Variants in LMOD1 observed in about 807,000 individuals in gnomAD.
LMOD1 encodes leiomodin 1.
In LMOD1, 8 loss-of-function variants were observed where a neutral mutation model predicts 36.5. The ratio of observed to expected loss-of-function variants is 0.22; its 90% CI spans 0.13 to 0.40. The LOEUF is 0.40. LMOD1 is among the 10% of genes least tolerant of loss of function. The probability of loss-of-function intolerance (pLI) is 1.00; values close to 1 mark genes in which losing one functional copy is unlikely to be tolerated. For synonymous variants in LMOD1, 284 were observed against 288.7 expected (o/e 0.98, Z 0.17); for missense variants, 630 against 751.1 (o/e 0.84, Z 1.88).
chr1:201,944,708 A>G (rs1682172389), intron 1 of LMOD1, among the ~76,000 whole-genome samples: 1 of 136,400 alleles, frequency 7.3e-6, no homozygotes, highest in African/African-American at 2.8e-5. Flanking sequence ...CTTCTTGGCA[A>G]AGGCTTAAAC....
intron 1 of LMOD1, among the ~76,000 whole-genome samples, chr1:201,917,186 G>C (rs1479005224): frequency 2.0e-5 from 3 of 152,154 alleles, no homozygotes; most frequent in Non-Finnish European, 4.4e-5. Context: ...TGCCTGCCTT[G>C]AGTCTTTAAG....
At chr1:201,935,530 C>T (rs1446045848) in intron 1 of LMOD1, among the ~76,000 whole-genome samples, 1 of 151,968 alleles carries the variant, frequency 6.6e-6, no homozygotes, top group Non-Finnish European at 1.5e-5. Flanking sequence ...CCTGTAATCC[C>T]AGCACTTTAG....
intron 1 of LMOD1, among the ~76,000 whole-genome samples, chr1:201,926,860 T>C (rs1429002686): frequency 1.3e-5 from 2 of 151,828 alleles, no homozygotes; most frequent in Non-Finnish European, 2.9e-5. Context: ...CTACAAAAAA[T>C]ACAAAAAAAT....
At position 201,899,205 on chromosome 1, in the gene LMOD1, C is replaced by T. The variant is rs3738290; in HGVS notation, c.1776+32G>A. The T allele has an allele frequency of 0.2, 311,659 of 1,544,760 alleles. 32,523 individuals are homozygous for T. The highest frequency in any genetic ancestry group is 0.25 in the South Asian group (19,812 of 79,046). On this transcript the variant is annotated intron_variant, in intron 2 of 2. Transcript: ENST00000367288. This position sits in a 1 kb window ranked among gnomAD's most constrained non-coding sequence, Gnocchi z 6.3. ...CTCTCCTCCAGGCCCTACCCAGCCC[C>T]GCCCTGTTGGCTCATGCCCACAACT...
At chr1:201,908,708 C>T (rs1410927361) in intron 1 of LMOD1, among the ~76,000 whole-genome samples, 1 of 152,150 alleles carries the variant, frequency 6.6e-6, no homozygotes, top group East Asian at 1.9e-4. Flanking sequence ...TAAGAACACT[C>T]AGCAAGGGGG....
rs1023159347 is a variant in LMOD1, at chr1:201,896,701, C to T, written c.*1671G>A. 4.4e-6 allele frequency: 2 copies of T among 456,626 alleles called. No homozygotes were observed. Among genetic ancestry groups the T allele is most frequent in the Non-Finnish European group, 8.8e-6 (2 of 226,956 alleles). The allele number at this position is 456,626 out of a possible 1,614,324, so 28.3% of individuals were successfully genotyped here. A position where few individuals can be genotyped will look rare whatever the true frequency, so the allele number is the denominator to read the frequency against. Reference sequence around the variant, plus strand: ...AGCTCCAGCTCATACCCTTTAGGTCCAGGAGCCAGTGTGTGTCTGTCTCCT... The same window carrying T: ...AGCTCCAGCTCATACCCTTTAGGTCTAGGAGCCAGTGTGTGTCTGTCTCCT... On this transcript the variant is annotated 3_prime_UTR_variant, in exon 3 of 3. Coordinates refer to ENST00000367288, the MANE Select transcript of LMOD1 (RefSeq NM_012134.3).
chr1:201,905,169 C>T (rs1681393133), intron 1 of LMOD1, among the ~76,000 whole-genome samples: 1 of 152,242 alleles, frequency 6.6e-6, no homozygotes, highest in Non-Finnish European at 1.5e-5. Context: ...AGGGGAAGCC[C>T]GCAGGGGTGG....
chr1:201,899,096 G>C lies in LMOD1; in HGVS notation c.1776+141C>G. The C allele has an allele frequency of 1.4e-6, 1 of 718,456 alleles. No homozygotes were observed. Among genetic ancestry groups the C allele is most frequent in the Non-Finnish European group, 2.2e-6 (1 of 450,496 alleles). The allele number at this position is 718,456 out of a possible 1,614,324, so 44.5% of individuals were successfully genotyped here. A position where few individuals can be genotyped will look rare whatever the true frequency, so the allele number is the denominator to read the frequency against. ...GGCAGGAGGATGCATGAGATGACCT[G>C]AAGTCCCCTATGGGCCCTGGGAGTC... On this transcript the variant is annotated intron_variant, in intron 2 of 2. Transcript: ENST00000367288. This position sits in a 1 kb window ranked among gnomAD's most constrained non-coding sequence, Gnocchi z 6.3.
At chr1:201,915,726 G>A (rs957688817) in intron 1 of LMOD1, among the ~76,000 whole-genome samples, 5 of 152,012 alleles carry the variant, frequency 3.3e-5, no homozygotes, top group African/African-American at 1.2e-4. Flanking sequence ...ACTACAGCCT[G>A]AACCCCACTC....
chr1:201,910,741 A>ATTT (rs1454275213), intron 1 of LMOD1, among the ~76,000 whole-genome samples: 23 of 28,242 alleles, frequency 8.1e-4, no homozygotes, highest in Admixed American at 1.5e-3. Flanking sequence ...AGATGGTGTC[A>ATTT]TTCTTTTTTT....
chr1:201,904,313 C>T (rs778658179), intron 1 of LMOD1, among the ~76,000 whole-genome samples: 15 of 152,148 alleles, frequency 9.9e-5, no homozygotes, highest in Middle Eastern at 3.2e-3. Context: ...TGAGTTCAAG[C>T]GATTCTCCTG....
Position 201,900,526 on chromosome 1 carries a change from C to T in LMOD1, c.487G>A (p.Val163Ile). 1.2e-6 allele frequency: 2 copies of T among 1,613,916 alleles called. No individual in the cohort carries two copies. The part of the protein sequence containing the change: ...KIIRGIDKGR[V>I]RAAVDKKEAG... ...TCCTTCTTATCCACTGCAGCCCTGA[C>T]CCGGCCCTTGTCAATGCCCCGGATG... Residue 163 changes from valine to isoleucine, a missense_variant, in exon 2 of 3, where the codon GTC (valine) becomes ATC (isoleucine). Around this residue, in one of 3 missense-constraint regions of LMOD1, gnomAD observed 405 missense variants for 400.6 expected, o/e 1.01. Coordinates refer to ENST00000367288, the MANE Select transcript of LMOD1 (RefSeq NM_012134.3).
intron 1 of LMOD1, among the ~76,000 whole-genome samples, chr1:201,935,556 T>C (rs1682001688): frequency 1.3e-5 from 2 of 151,922 alleles, no homozygotes; most frequent in African/African-American, 4.8e-5. Flanking sequence ...TTTATTTATT[T>C]ATTCATTTAT....
rs140786582 is a variant in LMOD1, at chr1:201,929,551, G to A, written c.261+16529C>T. 4.1e-3 allele frequency among the ~76,000 whole-genome samples: 626 copies of A among 152,248 alleles called. 9 individuals are homozygous for A. The highest frequency in any genetic ancestry group is 0.015 in the African/African-American group (609 of 41,530). On this transcript the variant is annotated intron_variant, in intron 1 of 2. Transcript: ENST00000367288. ...TGTAAATTTTAGACTGATTTAATTG[G>A]TTATTTTTAAAAAGAGGATAAAAAA... is the stretch of plus-strand genomic sequence containing the variant.
rs1681221687 is a variant in LMOD1, at chr1:201,897,921, A to G, written c.*451T>C. The G allele has an allele frequency of 6.1e-6, 1 of 163,158 alleles. No individual in the cohort carries two copies. Among genetic ancestry groups the G allele is most frequent in the Non-Finnish European group, 1.3e-5 (1 of 75,274 alleles). 10.1% of individuals were successfully genotyped at this position (163,158 alleles called of 1,614,324 possible). On this transcript the variant is annotated 3_prime_UTR_variant, in exon 3 of 3. Transcript: ENST00000367288. ...CCCCATGCCTCTCCATCTTTCTGCC[A>G]TTTTCCCACACAGAGTGCCACTGGC...
intron 1 of LMOD1, among the ~76,000 whole-genome samples, chr1:201,941,114 T>C (rs768400042): frequency 2.0e-4 from 30 of 151,780 alleles, no homozygotes; most frequent in Non-Finnish European, 3.4e-4. Flanking sequence ...AAAATTCTTT[T>C]TTTTTAATTT....
intron 1 of LMOD1, among the ~76,000 whole-genome samples, chr1:201,901,099 T>C (rs1385796100): frequency 6.6e-6 from 1 of 152,218 alleles, no homozygotes; most frequent in Non-Finnish European, 1.5e-5. Context: ...AGCAATGCCC[T>C]GCCAAGCACA....
chr1:201,904,376 A>G (rs897283949), intron 1 of LMOD1, among the ~76,000 whole-genome samples: 3 of 151,742 alleles, frequency 2.0e-5, no homozygotes, highest in African/African-American at 7.3e-5. Flanking sequence ...ATGCCTAGCT[A>G]ATTTTGTATT....
At chr1:201,903,137 G>T (rs75953033) in intron 1 of LMOD1, among the ~76,000 whole-genome samples, 2 of 152,174 alleles carry the variant, frequency 1.3e-5, no homozygotes, top group Non-Finnish European at 2.9e-5. Context: ...TTCAACCTCC[G>T]CTCTTCGCCG....
Sources: gnomAD v4.1 joint callset for allele counts (sites outside exome capture counted in the v4.1 genomes callset) on GRCh38, gnomAD v4.1.1 for gene constraint, gnomAD v4.1.1 regional missense constraint, Gnocchi (gnomAD v3.1) non-coding constraint, MANE v1.5 for transcripts, NCBI Gene and HGNC (gene_info 2026-07-23, HGNC 2026-07-21) for gene names.